The following MINDY2 variants were observed in gnomAD, a reference collection of about 807,000 sequenced individuals.
The protein encoded by MINDY2 is MINDY lysine 48 deubiquitinase 2.
Under a neutral mutation model 68.2 loss-of-function variants are expected in MINDY2, and 52 were observed. That is an observed-to-expected ratio of 0.76 (90% confidence interval 0.61 to 0.96). The LOEUF (loss-of-function observed/expected upper bound fraction) is 0.96, where lower values mean the gene tolerates loss of function less well. Ranked by LOEUF, MINDY2 falls within the 40% of genes least tolerant of loss-of-function variation. MINDY2 has a pLI of 0.00. For missense variants in MINDY2, 881 were observed against 773.4 expected (o/e 1.14, Z -1.65); for synonymous variants, 372 against 303.0 (o/e 1.23, Z -2.36).
intron 1 of MINDY2, 45 bp from the exon 2 acceptor site, chr15:58,787,861 C>A (rs968349214): frequency 2.3e-6 from 3 of 1,316,548 alleles, no homozygotes; most frequent in African/African-American, 1.5e-5. Context: ...ATACTTTAGT[C>A]ACCTAAAACA....
At chr15:58,841,813 ATT>A (rs1203249774) in intron 6 of MINDY2, among the ~76,000 whole-genome samples, 1 of 152,202 alleles carries the variant, frequency 6.6e-6, no homozygotes, top group African/African-American at 2.4e-5. Flanking sequence ...TGAGATGACT[ATT>A]TATCCATGCA....
At chr15:58,808,941 G>A (rs1463347842) in intron 3 of MINDY2, among the ~76,000 whole-genome samples, 1 of 152,188 alleles carries the variant, frequency 6.6e-6, no homozygotes, top group Non-Finnish European at 1.5e-5. Context: ...GCCAGGCATG[G>A]TGGCTTATGT....
rs118107890 is a variant in MINDY2 at position 58,848,465 on chromosome 15, C to T, written c.1542+995C>T. ...GTACACAAAAGAATATTTAATTCTC[C>T]GGGTGCGGTGGCTCACACCTGTAAT... On this transcript the variant is annotated intron_variant, in intron 7 of 8. Coordinates refer to ENST00000559228, the MANE Select transcript of MINDY2 (RefSeq NM_001040450.3). Among the ~76,000 whole-genome samples the T allele has an allele frequency of 2.1e-3, 314 of 152,226 alleles. 4 individuals are homozygous for T. In the East Asian group the frequency reaches 0.051, roughly 25 times the overall value.
intron 6 of MINDY2, among the ~76,000 whole-genome samples, chr15:58,835,655 GTAAT>G (rs1429083291): frequency 2.0e-5 from 3 of 151,986 alleles, no homozygotes; most frequent in African/African-American, 7.2e-5. Flanking sequence ...CTCTGTCTCA[GTAAT>G]TAATTAATTC....
intron 6 of MINDY2, among the ~76,000 whole-genome samples, chr15:58,838,161 G>T (rs1336278369): frequency 6.6e-6 from 1 of 151,850 alleles, no homozygotes; most frequent in African/African-American, 2.4e-5. Context: ...ACTTTAGGAG[G>T]CCAAGGCAGG....
intron 2 of MINDY2, among the ~76,000 whole-genome samples, chr15:58,795,926 T>C (rs1158304619): frequency 6.6e-6 from 1 of 152,052 alleles, no homozygotes; most frequent in African/African-American, 2.4e-5. Flanking sequence ...TACAGAGTGG[T>C]AGAATGAAGT....
At chr15:58,833,207 G>A (rs2031826142) in intron 6 of MINDY2, among the ~76,000 whole-genome samples, 1 of 152,188 alleles carries the variant, frequency 6.6e-6, no homozygotes, top group Admixed American at 6.5e-5. Context: ...AGCACTTCAT[G>A]CGTGGGGATA....
At chr15:58,830,898 A>G (rs971047121) in intron 5 of MINDY2, among the ~76,000 whole-genome samples, 1 of 152,054 alleles carries the variant, frequency 6.6e-6, no homozygotes, top group Non-Finnish European at 1.5e-5. Flanking sequence ...CATGTCCACA[A>G]ACAAGCATGA....
At chr15:58,852,929 T>G (rs969447352) in intron 8 of MINDY2, among the ~76,000 whole-genome samples, 9 of 2,434 alleles carry the variant, frequency 3.7e-3, no homozygotes, top group Non-Finnish European at 0.012. Flanking sequence ...CCTGTTTTTT[T>G]TTTTTTTTTT....
Position 58,831,815 on chromosome 15 carries a change from C to G in MINDY2, c.1267C>G (p.Leu423Val). ...EQFLNNTATQLTYHGLCELTS... is the reference protein window; with the variant it reads ...EQFLNNTATQVTYHGLCELTS... ...GTTTCTAAATAACACAGCCACTCAACTGACATACCATGGATTATGTGAACT... is the reference window on the plus strand; with the variant it reads ...GTTTCTAAATAACACAGCCACTCAAGTGACATACCATGGATTATGTGAACT... The change falls in exon 6 of 9, where the codon CTG becomes GTG. Residue 423 changes from leucine to valine, a missense_variant. Coordinates refer to ENST00000559228, the MANE Select transcript of MINDY2 (RefSeq NM_001040450.3). The G allele has an allele frequency of 6.2e-7, 1 of 1,613,616 alleles. No individual in the cohort carries two copies. Among genetic ancestry groups the G allele is most frequent in the Admixed American group, 1.7e-5 (1 of 59,980 alleles).
At position 58,820,905 on chromosome 15, in the gene MINDY2, A is replaced by T. The variant is rs967588565; in HGVS notation, c.1123-812A>T. 5.3e-5 allele frequency among the ~76,000 whole-genome samples: 8 copies of T among 151,648 alleles called. No homozygotes were observed. In the South Asian group the frequency reaches 1.7e-3, roughly 31 times the overall value. On this transcript the variant is annotated intron_variant, in intron 4 of 8. Transcript: ENST00000559228. ...AAAATTTGTATTTGTTTTATTAGAT[A>T]TATAACTTACTTATACAGCAATACA...
intron 1 of MINDY2, among the ~76,000 whole-genome samples, chr15:58,787,053 C>T (rs760462325): frequency 5.9e-5 from 9 of 152,190 alleles, no homozygotes; most frequent in East Asian, 1.9e-4. Context: ...TGGTCTCGAA[C>T]TCCCAACCTC....
In MINDY2 at chr15:58,771,638, C is replaced by T. The variant is rs539766602; in HGVS notation, c.243C>T (p.Ser81=). Reference sequence around the variant, plus strand: ...CTGAGGTTCCCGGACCCTGCAGCTCCTCCGCGGGTTTGGACTTGAAGGACA... The same window carrying T: ...CTGAGGTTCCCGGACCCTGCAGCTCTTCCGCGGGTTTGGACTTGAAGGACA... ...GSPEVPGPCS[S]SAGLDLKDSG... is the part of the protein sequence containing the mutation. Residue 81 remains serine (S), a synonymous_variant, in exon 1 of 9, where the codon TCC becomes TCT. Coordinates refer to ENST00000559228, the MANE Select transcript of MINDY2 (RefSeq NM_001040450.3). The T allele has an allele frequency of 6.8e-6, 11 of 1,612,478 alleles. No individual in the cohort carries two copies. The South Asian group carries it at 9.9e-5, about 14-fold the overall frequency.
intron 1 of MINDY2, among the ~76,000 whole-genome samples, chr15:58,783,226 C>G (rs952894298): frequency 1.3e-5 from 2 of 151,986 alleles, no homozygotes; most frequent in Non-Finnish European, 2.9e-5. Flanking sequence ...CGGCCCCTGA[C>G]TTCTTTTTTC....
Position 58,792,334 on chromosome 15 carries a change from G to A in MINDY2, c.898+4371G>A, listed in dbSNP as rs73426593. ...TTGTATAAAAATGTTCAGGCCACACGCGGTGGCTTACGCCTGTAATCCCAG... is the reference window on the plus strand; with the variant it reads ...TTGTATAAAAATGTTCAGGCCACACACGGTGGCTTACGCCTGTAATCCCAG... On this transcript the variant is annotated intron_variant, in intron 2 of 8. Coordinates refer to ENST00000559228, the MANE Select transcript of MINDY2 (RefSeq NM_001040450.3). Among the ~76,000 whole-genome samples, 752 of 152,310 alleles carry A rather than the reference G, an allele frequency of 4.9e-3. 5 individuals carry two copies. Among genetic ancestry groups the A allele is most frequent in the African/African-American group, 0.017 (719 of 41,558 alleles).
At chr15:58,782,922 T>G (rs664909) in intron 1 of MINDY2, among the ~76,000 whole-genome samples, 1,714 of 120,324 alleles carry the variant, frequency 0.014, 50 homozygotes, top group African/African-American at 0.041. Context: ...TTTTTTTTTT[T>G]TTTTTTTTTT....
chr15:58,802,800 G>A (rs577563766), intron 3 of MINDY2, among the ~76,000 whole-genome samples: 1 of 152,278 alleles, frequency 6.6e-6, no homozygotes, highest in African/African-American at 2.4e-5. Flanking sequence ...ATTAGGACAA[G>A]TTTTGCTATT....
chr15:58,792,768 C>T (rs1311294020), intron 2 of MINDY2, among the ~76,000 whole-genome samples: 1 of 152,164 alleles, frequency 6.6e-6, no homozygotes, highest in African/African-American at 2.4e-5. Flanking sequence ...CATGCTATAA[C>T]ATGGATGAAC....
At chr15:58,781,271 T>C (rs1901124879) in intron 1 of MINDY2, among the ~76,000 whole-genome samples, 1 of 152,000 alleles carries the variant, frequency 6.6e-6, no homozygotes, top group African/African-American at 2.4e-5. Context: ...AGGCTGGTCT[T>C]GAACTCCTGA....
Sources: gnomAD v4.1 joint callset for allele counts (sites outside exome capture counted in the v4.1 genomes callset) on GRCh38, gnomAD v4.1.1 for gene constraint, MANE v1.5 for transcripts, NCBI Gene and HGNC (gene_info 2026-07-23, HGNC 2026-07-21) for gene names.